MECOM: variants seen among roughly 807,000 people sequenced by gnomAD.
The protein encoded by MECOM is histone-lysine N-methyltransferase MECOM.
In MECOM, 13 loss-of-function variants were observed where a neutral mutation model predicts 116.3. The ratio of observed to expected loss-of-function variants is 0.11; its 90% CI spans 0.07 to 0.18. MECOM has a LOEUF of 0.18. MECOM is among the 10% of genes least tolerant of loss of function. The probability of loss-of-function intolerance (pLI) is 1.00; values close to 1 mark genes in which losing one functional copy is unlikely to be tolerated. For synonymous variants in MECOM, 528 were observed against 535.2 expected (o/e 0.99, Z 0.19); for missense variants, 1,299 against 1,509.0 (o/e 0.86, Z 2.31).
chr3:169,492,068 T>C (rs1349139529), intron 1 of MECOM, among the ~76,000 whole-genome samples: 1 of 152,234 alleles, frequency 6.6e-6, no homozygotes, highest in Non-Finnish European at 1.5e-5. Flanking sequence ...TACATTAGTA[T>C]TGTCTTCAAT....
Position 169,265,070 on chromosome 3 carries a change from A to G in MECOM, c.375+116117T>C, listed in dbSNP as rs142002431. 2.5e-3 allele frequency among the ~76,000 whole-genome samples: 385 copies of G among 152,310 alleles called. 2 individuals are homozygous for G. The highest frequency in any genetic ancestry group is 3.4e-3 in the Middle Eastern group (1 of 294). On this transcript the variant is annotated intron_variant, in intron 2 of 16. Transcript: ENST00000651503. Reference sequence around the variant, plus strand: ...AGTTAGATAAAGCTCAGTTGCCAATATTCTTGATATATAAATCAACCCGAA... The same window carrying G: ...AGTTAGATAAAGCTCAGTTGCCAATGTTCTTGATATATAAATCAACCCGAA...
chr3:169,427,384 G>A (rs1740902787), intron 1 of MECOM, among the ~76,000 whole-genome samples: 1 of 151,972 alleles, frequency 6.6e-6, no homozygotes, highest in African/African-American at 2.4e-5. Context: ...CAAAGAATGA[G>A]GTTTTGAGTA....
chr3:169,212,133 A>G (rs1488985959), intron 2 of MECOM, among the ~76,000 whole-genome samples: 1 of 152,058 alleles, frequency 6.6e-6, no homozygotes, highest in Non-Finnish European at 1.5e-5. Context: ...CTGAATGGTA[A>G]GATTGATTAG....
At chr3:169,263,509 G>T (rs190157143) in intron 2 of MECOM, among the ~76,000 whole-genome samples, 9 of 143,990 alleles carry the variant, frequency 6.3e-5, no homozygotes, top group African/African-American at 2.0e-4. Flanking sequence ...TTGATCATAC[G>T]CAGAGCACTT....
At chr3:169,661,781 T>C (rs977815177) in intron 1 of MECOM, among the ~76,000 whole-genome samples, 5 of 152,214 alleles carry the variant, frequency 3.3e-5, no homozygotes, top group South Asian at 2.1e-4. Flanking sequence ...TTGGTTCTAA[T>C]GTGCGAGGGT....
At chr3:169,098,826 C>T (rs990760712) in intron 12 of MECOM, among the ~76,000 whole-genome samples, 5 of 152,006 alleles carry the variant, frequency 3.3e-5, no homozygotes, top group Non-Finnish European at 5.9e-5. Flanking sequence ...CCACACTTGG[C>T]CTAAATAAAC....
chr3:169,236,538 C>A (rs568939246), intron 2 of MECOM, among the ~76,000 whole-genome samples: 2 of 152,258 alleles, frequency 1.3e-5, no homozygotes, highest in Non-Finnish European at 2.9e-5. Flanking sequence ...GTTTTTAACA[C>A]CTCACATGAT....
chr3:169,445,327 C>A (rs1021594744), intron 1 of MECOM, among the ~76,000 whole-genome samples: 1 of 152,110 alleles, frequency 6.6e-6, no homozygotes, highest in Non-Finnish European at 1.5e-5. Context: ...AATTTGGTGC[C>A]CTGTGTCCAA....
intron 2 of MECOM, among the ~76,000 whole-genome samples, chr3:169,202,819 CAAAAA>C (rs11287862): frequency 1.1e-5 from 1 of 90,278 alleles, no homozygotes; most frequent in East Asian, 2.8e-4. Context: ...TTGCCATTAG[CAAAAA>C]AAAAAAAAAA....
intron 5 of MECOM, among the ~76,000 whole-genome samples, chr3:169,123,338 A>G (rs1731708532): frequency 6.6e-6 from 1 of 151,464 alleles, no homozygotes; most frequent in African/African-American, 2.4e-5. Flanking sequence ...TCATATATAT[A>G]TATTACATAA....
intron 1 of MECOM, among the ~76,000 whole-genome samples, chr3:169,577,097 A>G (rs1764607356): frequency 6.6e-6 from 1 of 152,160 alleles, no homozygotes; most frequent in Non-Finnish European, 1.5e-5. Context: ...GAGTGACTAT[A>G]AGCAAGTGAA....
At chr3:169,206,301 A>G (rs2149461755) in intron 2 of MECOM, among the ~76,000 whole-genome samples, 1 of 152,304 alleles carries the variant, frequency 6.6e-6, no homozygotes. Flanking sequence ...TCTAATAATC[A>G]CAGTCATTGG....
At chr3:169,651,831 T>G (rs1284713215) in intron 1 of MECOM, among the ~76,000 whole-genome samples, 2 of 152,116 alleles carry the variant, frequency 1.3e-5, no homozygotes, top group African/African-American at 2.4e-5. Context: ...TAAATCTATA[T>G]GTATGTATGT....
At chr3:169,640,315 A>G (rs891830129) in intron 1 of MECOM, among the ~76,000 whole-genome samples, 4 of 152,224 alleles carry the variant, frequency 2.6e-5, no homozygotes, top group Non-Finnish European at 5.9e-5. Context: ...TGTGAAAATA[A>G]GTTCATCCAA....
intron 1 of MECOM, among the ~76,000 whole-genome samples, chr3:169,457,695 T>C (rs1560298456): frequency 6.6e-6 from 1 of 152,232 alleles, no homozygotes; most frequent in East Asian, 1.9e-4. Flanking sequence ...TATTCCCAAT[T>C]ATTACTAAAA....
intron 4 of MECOM, among the ~76,000 whole-genome samples, chr3:169,130,240 G>T (rs923893623): frequency 3.3e-5 from 5 of 152,098 alleles, no homozygotes; most frequent in Middle Eastern, 3.4e-3. Flanking sequence ...ACCTTTTTAG[G>T]TCTAACATTT....
At position 169,277,830 on chromosome 3, in the gene MECOM, G is replaced by A. The variant is rs182630169; in HGVS notation, c.375+103357C>T. ...TGACTGTAACAAGGGAACTCACACCGCAAAACATTCTTCTTGACTTCCAAC... is the reference window on the plus strand; with the variant it reads ...TGACTGTAACAAGGGAACTCACACCACAAAACATTCTTCTTGACTTCCAAC... On this transcript the variant is annotated intron_variant, in intron 2 of 16. Transcript: ENST00000651503. Among the ~76,000 whole-genome samples the A allele has an allele frequency of 3.0e-3, 452 of 152,256 alleles. 2 individuals are homozygous for A. The highest frequency in any genetic ancestry group is 0.011 in the African/African-American group (437 of 41,546).
chr3:169,526,346 A>G (rs1354350403), intron 1 of MECOM, among the ~76,000 whole-genome samples: 3 of 152,218 alleles, frequency 2.0e-5, no homozygotes, highest in Admixed American at 6.5e-5. Context: ...AAAATGACAG[A>G]CATGAAGGAG....
intron 2 of MECOM, among the ~76,000 whole-genome samples, chr3:169,359,999 A>G (rs1405648124): frequency 1.3e-5 from 2 of 151,564 alleles, no homozygotes; most frequent in Non-Finnish European, 3.0e-5. Flanking sequence ...AGTTAACTAC[A>G]CTCCAGGGAA....
Sources: allele counts gnomAD v4.1 joint callset (sites outside exome capture counted in the v4.1 genomes callset), GRCh38; gene constraint gnomAD v4.1.1; transcripts MANE v1.5; gene names NCBI Gene and HGNC (gene_info 2026-07-23, HGNC 2026-07-21).